ARHGAP42: variants seen among roughly 807,000 people sequenced by gnomAD.
ARHGAP42 encodes the protein rho GTPase-activating protein 42.
Under a neutral mutation model 125.0 loss-of-function variants are expected in ARHGAP42, and 63 were observed. The observed-to-expected ratio is 0.50, with a 90% CI of 0.41 to 0.62. The LOEUF (loss-of-function observed/expected upper bound fraction) is 0.62. ARHGAP42 is among the 20% of genes least tolerant of loss of function. ARHGAP42 has a pLI of 0.00. For synonymous variants in ARHGAP42, 339 were observed against 351.0 expected (o/e 0.97, Z 0.38); for missense variants, 766 against 1,024.2 (o/e 0.75, Z 3.44).
chr11:100,845,313 C>T (rs1865038713), intron 3 of ARHGAP42, among the ~76,000 whole-genome samples: 1 of 151,786 alleles, frequency 6.6e-6, no homozygotes, highest in African/African-American at 2.4e-5. Context: ...GATGCGAAGG[C>T]ATGAGAATGA....
chr11:100,703,614 A>G (rs1206298223), intron 1 of ARHGAP42, among the ~76,000 whole-genome samples: 2 of 152,190 alleles, frequency 1.3e-5, no homozygotes, highest in African/African-American at 4.8e-5. Flanking sequence ...TATAGTTTTG[A>G]TTTGCCTTTT....
At chr11:100,879,852 G>A (rs1865913546) in intron 4 of ARHGAP42, among the ~76,000 whole-genome samples, 1 of 152,152 alleles carries the variant, frequency 6.6e-6, no homozygotes. Context: ...TTTGGCAAAA[G>A]GAGTAAAGTT....
At chr11:100,894,250 T>C (rs990642395) in intron 4 of ARHGAP42, among the ~76,000 whole-genome samples, 1 of 152,234 alleles carries the variant, frequency 6.6e-6, no homozygotes, top group Admixed American at 6.5e-5. Context: ...GGACTTGGCA[T>C]AGTTGTAAAC....
At chr11:100,738,613 A>G (rs1196445383) in intron 1 of ARHGAP42, 14 of 152,194 alleles carry the variant, frequency 9.2e-5, no homozygotes, top group Non-Finnish European at 1.9e-4. Flanking sequence ...CATGATTTTC[A>G]TCAGTGAGGG....
intron 1 of ARHGAP42, among the ~76,000 whole-genome samples, chr11:100,753,159 G>T (rs759886401): frequency 2.6e-5 from 4 of 152,112 alleles, no homozygotes; most frequent in Admixed American, 6.5e-5. Context: ...AGGCCCCTGT[G>T]GGGGTGAGGG....
chr11:100,989,251 T>C lies in ARHGAP42; in HGVS notation c.*450T>C, dbSNP rs1858768468. On this transcript the variant is annotated 3_prime_UTR_variant, in exon 24 of 24. Transcript: ENST00000298815. ...AATTGTTCATTTATTGTTTTTTTTT[T>C]CTTAGAAATATACTGCTTTTATATA... is the stretch of plus-strand genomic sequence containing the variant. The C allele has an allele frequency of 2.5e-6, 1 of 397,618 alleles. No individual in the cohort carries two copies. The highest frequency in any genetic ancestry group is 4.4e-6 in the Non-Finnish European group (1 of 225,578). The allele number at this position is 397,618 out of a possible 1,614,324, so 24.6% of individuals were successfully genotyped here.
chr11:100,837,495 G>A (rs1864818766), intron 3 of ARHGAP42, among the ~76,000 whole-genome samples: 1 of 151,890 alleles, frequency 6.6e-6, no homozygotes, highest in South Asian at 2.1e-4. Flanking sequence ...TGGAGTGAAA[G>A]CAAATACACA....
intron 1 of ARHGAP42, among the ~76,000 whole-genome samples, chr11:100,710,596 AT>A (rs1351573680): frequency 9.9e-5 from 13 of 131,016 alleles, no homozygotes; most frequent in Non-Finnish European, 7.9e-5. Context: ...TGGGGTGCAA[AT>A]GGCACGATCT....
At chr11:100,835,013 C>T (rs1452387328) in intron 3 of ARHGAP42, among the ~76,000 whole-genome samples, 2 of 152,106 alleles carry the variant, frequency 1.3e-5, no homozygotes, top group East Asian at 3.9e-4. Context: ...TAAAACACTT[C>T]ATCTGAGTGA....
intron 3 of ARHGAP42, among the ~76,000 whole-genome samples, chr11:100,850,822 G>T (rs1006738618): frequency 6.7e-6 from 1 of 150,260 alleles, no homozygotes; most frequent in Non-Finnish European, 1.5e-5. Flanking sequence ...TTCTACTCTA[G>T]CACTGGTGAC....
intron 3 of ARHGAP42, among the ~76,000 whole-genome samples, chr11:100,832,472 T>C (rs1474419148): frequency 1.3e-5 from 2 of 152,238 alleles, no homozygotes; most frequent in Non-Finnish European, 2.9e-5. Context: ...TAGGATTTTC[T>C]ACTCCTTGAG....
At chr11:100,792,847 G>A (rs1282538386) in intron 2 of ARHGAP42, among the ~76,000 whole-genome samples, 2 of 151,648 alleles carry the variant, frequency 1.3e-5, no homozygotes, top group Non-Finnish European at 2.9e-5. Context: ...CTGCCTTCCG[G>A]GTTCACGCCG....
chr11:100,872,246 A>G (rs1339369004), intron 4 of ARHGAP42, among the ~76,000 whole-genome samples: 1 of 152,190 alleles, frequency 6.6e-6, no homozygotes, highest in East Asian at 1.9e-4. Flanking sequence ...CTTATTGTTC[A>G]TGTCATATTA....
rs1858844760 is a variant in ARHGAP42 at position 100,992,089 on chromosome 11, G to A, written c.*3288G>A. ...GTTCTTCTGGTCTGTGTTGAAAAGGGTATCATTCATGTGGTTTCAGTTTAG... is the reference window on the plus strand; with the variant it reads ...GTTCTTCTGGTCTGTGTTGAAAAGGATATCATTCATGTGGTTTCAGTTTAG... On this transcript the variant is annotated 3_prime_UTR_variant, in exon 24 of 24. Transcript: ENST00000298815. 2 of 540,244 alleles carry A rather than the reference G, an allele frequency of 3.7e-6. No individual in the cohort carries two copies. Among genetic ancestry groups the A allele is most frequent in the East Asian group, 6.0e-5 (2 of 33,146 alleles). The allele number at this position is 540,244 out of a possible 1,614,324, so 33.5% of individuals were successfully genotyped here. A position where few individuals can be genotyped will look rare whatever the true frequency, so the allele number is the denominator to read the frequency against.
intron 1 of ARHGAP42, among the ~76,000 whole-genome samples, chr11:100,716,383 A>T (rs12273392): frequency 6.6e-6 from 1 of 152,210 alleles, no homozygotes; most frequent in East Asian, 1.9e-4. Context: ...ATAAGTTAAA[A>T]CCAAAAAACA....
intron 1 of ARHGAP42, among the ~76,000 whole-genome samples, chr11:100,733,283 G>A (rs1257155501): frequency 6.6e-6 from 1 of 152,174 alleles, no homozygotes; most frequent in African/African-American, 2.4e-5. Flanking sequence ...GATTATATAA[G>A]ATTACTTAAA....
At chr11:100,976,997 G>C (rs374580296) in intron 21 of ARHGAP42, 26 bp downstream of exon 21, 1 of 1,550,282 alleles carries the variant, frequency 6.5e-7, no homozygotes. Flanking sequence ...TATATTTGCT[G>C]TGTCTCCCAG....
At chr11:100,768,997 C>CA (rs1862905146) in intron 1 of ARHGAP42, among the ~76,000 whole-genome samples, 1 of 152,162 alleles carries the variant, frequency 6.6e-6, no homozygotes, top group South Asian at 2.1e-4. Context: ...GCCTACTACA[C>CA]ACCTTGTCTG....
chr11:100,778,932 TAC>T, intron 2 of ARHGAP42, among the ~76,000 whole-genome samples: 1 of 152,290 alleles, frequency 6.6e-6, no homozygotes, highest in African/African-American at 2.4e-5. Context: ...CAGTCTTTTG[TAC>T]AGAGGGCTCA....
Sources: allele counts gnomAD v4.1 joint callset (sites outside exome capture counted in the v4.1 genomes callset), GRCh38; gene constraint gnomAD v4.1.1; transcripts MANE v1.5; gene names NCBI Gene and HGNC (gene_info 2026-07-23, HGNC 2026-07-21).